The following CLEC16A variants were observed in gnomAD, a reference collection of about 807,000 sequenced individuals.
The protein encoded by CLEC16A is C-type lectin domain containing 16A, also known as protein CLEC16A.
A neutral mutation model predicts 109.5 loss-of-function variants in CLEC16A; 51 were observed. That is an observed-to-expected ratio of 0.47 (90% CI 0.37 to 0.59). The LOEUF (loss-of-function observed/expected upper bound fraction) is 0.59, where lower values mean the gene tolerates loss of function less well. Among genes scored for constraint, CLEC16A ranks in the 20% least tolerant of loss-of-function variants. The probability of loss-of-function intolerance (pLI) is 0.00; values close to 1 mark genes in which losing one functional copy is unlikely to be tolerated. For synonymous variants in CLEC16A, 673 were observed against 564.2 expected (o/e 1.19, Z -2.73); for missense variants, 1,339 against 1,394.0 (o/e 0.96, Z 0.63).
chr16:10,972,606 A>T, intron 6 of CLEC16A, 47 bp downstream of exon 6: 2 of 1,530,560 alleles, frequency 1.3e-6, no homozygotes, highest in Non-Finnish European at 1.8e-6. Flanking sequence ...CTACCCTTAT[A>T]TGTAAATACC....
chr16:10,952,513 A>G (rs1294935596), intron 1 of CLEC16A, among the ~76,000 whole-genome samples: 1 of 152,242 alleles, frequency 6.6e-6, no homozygotes, highest in African/African-American at 2.4e-5. Context: ...AACAACAACA[A>G]AAAGTTATTA....
chr16:10,977,028 G>T (rs2043062772), intron 7 of CLEC16A, among the ~76,000 whole-genome samples, 197 bp from the exon 8 acceptor site: 1 of 152,204 alleles, frequency 6.6e-6, no homozygotes, highest in African/African-American at 2.4e-5. Flanking sequence ...GACCCCAGCA[G>T]TCCCCTGAAA....
At chr16:11,099,969 C>T (rs924642135) in intron 19 of CLEC16A, among the ~76,000 whole-genome samples, 2 of 151,396 alleles carry the variant, frequency 1.3e-5, no homozygotes, top group Admixed American at 6.6e-5. Flanking sequence ...CAGAGTTGCA[C>T]CTGGGGTTTG....
intron 12 of CLEC16A, among the ~76,000 whole-genome samples, chr16:11,023,069 G>C (rs2046212363): frequency 6.7e-6 from 1 of 148,950 alleles, no homozygotes; most frequent in East Asian, 1.9e-4. Context: ...GAATCAGGGG[G>C]ACTACCATTT....
intron 19 of CLEC16A, among the ~76,000 whole-genome samples, chr16:11,102,721 T>A (rs568845698): frequency 4.6e-5 from 7 of 152,306 alleles, no homozygotes; most frequent in African/African-American, 1.4e-4. Flanking sequence ...CCCTTCTCCA[T>A]CTCAGCTCAG....
At chr16:11,037,688 C>T (rs577025807) in intron 13 of CLEC16A, among the ~76,000 whole-genome samples, 4 of 152,168 alleles carry the variant, frequency 2.6e-5, no homozygotes, top group Admixed American at 2.0e-4. Context: ...CAGCCAGGCC[C>T]TTTCTGCTAT....
At chr16:11,105,685 G>C (rs991164634) in intron 19 of CLEC16A, among the ~76,000 whole-genome samples, 6 of 152,206 alleles carry the variant, frequency 3.9e-5, no homozygotes, top group African/African-American at 1.4e-4. Flanking sequence ...GTGGGTACCT[G>C]AGATTGAGGC....
chr16:11,075,535 C>G (rs2049322889), intron 19 of CLEC16A, among the ~76,000 whole-genome samples: 1 of 151,924 alleles, frequency 6.6e-6, no homozygotes, highest in African/African-American at 2.4e-5. Flanking sequence ...CCCGGGGGCT[C>G]AAGGGCTCCT....
At chr16:11,157,277 C>T in intron 22 of CLEC16A, 1 of 1,170,310 alleles carries the variant, frequency 8.5e-7, no homozygotes, top group South Asian at 1.7e-5. Context: ...CCCATGGTGG[C>T]AGCTCAGGCT....
chr16:11,125,982 T>G lies in CLEC16A; in HGVS notation c.2477T>G (p.Leu826Arg), dbSNP rs1174473627. The G allele has an allele frequency of 6.5e-7, 1 of 1,535,098 alleles. No homozygotes were observed. The highest frequency in any genetic ancestry group is 1.9e-5 in the Admixed American group (1 of 54,004). ...CCATGCTATTGTTTGACCGTAGCCC[T>G]CCTGGACCTCCCAATCCAGCCCACC... is the stretch of plus-strand genomic sequence containing the variant. Reference protein sequence around the residue: ...RRMKMQRIAALLDLPIQPTTE... With the variant: ...RRMKMQRIAARLDLPIQPTTE... The change falls in exon 22 of 24, where the codon CTC (leucine) becomes CGC (arginine). Residue 826 changes from leucine to arginine, a missense_variant. Physicochemically the swap from Leu to Arg is moderately radical, Grantham distance 102. Around this residue, in one of 3 missense-constraint regions of CLEC16A, gnomAD observed 1,061 missense variants for 1,006.8 expected, o/e 1.05. Coordinates refer to ENST00000409790, the MANE Select transcript of CLEC16A (RefSeq NM_015226.3).
intron 23 of CLEC16A, among the ~76,000 whole-genome samples, chr16:11,173,553 G>A (rs908646703): frequency 1.6e-4 from 24 of 152,090 alleles, no homozygotes; most frequent in Non-Finnish European, 2.5e-4. Flanking sequence ...GGAGAGGCTC[G>A]TGGAGAGGCT....
Position 10,977,350 on chromosome 16 carries a change from A to G in CLEC16A, c.854A>G (p.Asn285Ser). 4 of 1,613,994 alleles carry G rather than the reference A, an allele frequency of 2.5e-6. No individual in the cohort carries two copies. Among genetic ancestry groups the G allele is most frequent in the Non-Finnish European group, 3.4e-6 (4 of 1,179,870 alleles). ...LNDVLTDHLL[N>S]RLFLPLYVYS... ...GATGTGCTCACTGACCACCTGCTCA[A>G]CAGGCTCTTCCTGCCCCTCTACGTG... The change falls in exon 8 of 24, where the codon AAC becomes AGC. Residue 285 changes from asparagine to serine, a missense_variant. By Grantham distance (46) the Asn-to-Ser change is conservative. This residue lies in a region of CLEC16A where 161 missense variants were observed against 267.1 expected (regional missense o/e 0.60). Transcript: ENST00000409790.
In CLEC16A at chr16:11,039,786, C is replaced by T. The variant is rs771186982; in HGVS notation, c.1570C>T (p.Leu524Phe). 2.5e-6 allele frequency: 4 copies of T among 1,606,782 alleles called. No individual in the cohort carries two copies. Among genetic ancestry groups the T allele is most frequent in the Admixed American group, 3.4e-5 (2 of 59,034 alleles). The change falls in exon 14 of 24, where the codon CTC becomes TTC. Residue 524 changes from leucine (L) to phenylalanine (F), a missense_variant. Coordinates refer to ENST00000409790, the MANE Select transcript of CLEC16A (RefSeq NM_015226.3). ...MDPEKLERIQ[L>F]PVPNAAEKTT... ...TCCTGAAAAATTAGAGCGAATCCAG[C>T]TCCCCGTGCCAAATGCGGCCGAGAA... is the stretch of plus-strand genomic sequence containing the variant.
At chr16:10,995,822 T>C (rs1489697273) in intron 10 of CLEC16A, among the ~76,000 whole-genome samples, 1 of 152,136 alleles carries the variant, frequency 6.6e-6, no homozygotes, top group African/African-American at 2.4e-5. Context: ...CTGTCTCCTT[T>C]CTTAAGGGGA....
intron 22 of CLEC16A, among the ~76,000 whole-genome samples, chr16:11,164,241 G>A (rs1027421889): frequency 6.6e-5 from 10 of 152,172 alleles, no homozygotes; most frequent in East Asian, 3.8e-4. Flanking sequence ...CGCCTCACTC[G>A]GAGACTCACC....
intron 18 of CLEC16A, among the ~76,000 whole-genome samples, chr16:11,054,929 TTTC>T (rs1376328012): frequency 5.3e-4 from 77 of 144,602 alleles, no homozygotes; most frequent in African/African-American, 1.9e-3. Context: ...AAAGGTTTTC[TTTC>T]TTTTTTTTTT....
intron 1 of CLEC16A, among the ~76,000 whole-genome samples, chr16:10,950,420 G>C (rs1489157758): frequency 6.6e-6 from 1 of 152,154 alleles, no homozygotes; most frequent in African/African-American, 2.4e-5. Context: ...CCCCAGTTTA[G>C]TCACAGCACC....
intron 1 of CLEC16A, among the ~76,000 whole-genome samples, chr16:10,951,239 C>T (rs1382564985): frequency 2.6e-5 from 4 of 152,110 alleles, no homozygotes; most frequent in Admixed American, 1.3e-4. Flanking sequence ...AGGCAAAGCT[C>T]GGATATTGAG....
intron 1 of CLEC16A, 102 bp from the exon 2 acceptor site, chr16:10,957,680 A>T: frequency 8.2e-7 from 1 of 1,219,440 alleles, no homozygotes; most frequent in East Asian, 2.3e-5. Flanking sequence ...CAAACCTGAA[A>T]AAGCATTGCT....
Sources: gnomAD v4.1 joint callset for allele counts (sites outside exome capture counted in the v4.1 genomes callset) on GRCh38, gnomAD v4.1.1 for gene constraint, gnomAD v4.1.1 regional missense constraint, MANE v1.5 for transcripts, NCBI Gene and HGNC (gene_info 2026-07-23, HGNC 2026-07-21) for gene names.